Variants in RPTOR observed in about 807,000 individuals in gnomAD.
The protein encoded by RPTOR is regulatory associated protein of MTOR complex 1, also known as regulatory-associated protein of mTOR.
Under a neutral mutation model 169.9 loss-of-function variants are expected in RPTOR, and 21 were observed. The observed-to-expected ratio is 0.12, with a 90% CI of 0.09 to 0.18. The LOEUF is 0.18. RPTOR is among the 10% of genes least tolerant of loss of function. The pLI is 1.00. For synonymous variants in RPTOR, 732 were observed against 753.2 expected (o/e 0.97, Z 0.46); for missense variants, 1,133 against 1,855.9 (o/e 0.61, Z 7.16).
intron 4 of RPTOR, among the ~76,000 whole-genome samples, chr17:80,727,761 C>CT (rs35254950): frequency 0.19 from 28,914 of 149,760 alleles, 2,946 homozygotes; most frequent in East Asian, 0.24. Context: ...TAATTTTCAG[C>CT]TTTTTTTTTT....
Position 80,947,411 on chromosome 17 carries a change from G to C in RPTOR, c.3265+60G>C, listed in dbSNP as rs9912373. ...AGGGTCTGGAGGAGTGGCGGGGAGGGTGTGTGATCCTGAGATGTGTTTGTA... is the reference window on the plus strand; with the variant it reads ...AGGGTCTGGAGGAGTGGCGGGGAGGCTGTGTGATCCTGAGATGTGTTTGTA... On this transcript the variant is annotated intron_variant, in intron 27 of 33. Coordinates refer to ENST00000306801, the MANE Select transcript of RPTOR (RefSeq NM_020761.3). This position sits in a 1 kb window ranked among gnomAD's most constrained non-coding sequence, Gnocchi z 4.4. 1 of 1,471,394 alleles carries C rather than the reference G, an allele frequency of 6.8e-7. No homozygotes were observed. The highest frequency in any genetic ancestry group is 1.4e-5 in the African/African-American group (1 of 69,240). The allele number at this position is 1,471,394 out of a possible 1,614,324, so 91.1% of individuals were successfully genotyped here.
intron 6 of RPTOR, among the ~76,000 whole-genome samples, chr17:80,783,888 A>C (rs547272723): frequency 9.2e-5 from 14 of 152,362 alleles, no homozygotes; most frequent in African/African-American, 3.4e-4. Context: ...TAAATAGAGT[A>C]AACTTTTCTG....
intron 13 of RPTOR, among the ~76,000 whole-genome samples, chr17:80,863,683 G>T (rs1485562475): frequency 6.6e-6 from 1 of 152,218 alleles, no homozygotes; most frequent in African/African-American, 2.4e-5. Flanking sequence ...TGGAGGCTGA[G>T]GCAGACAGAT....
chr17:80,580,386 C>T (rs1037490080), intron 1 of RPTOR, among the ~76,000 whole-genome samples: 4 of 152,154 alleles, frequency 2.6e-5, no homozygotes, highest in African/African-American at 7.2e-5. Flanking sequence ...TGTGCCCGCT[C>T]GTGGGGTCTG....
intron 13 of RPTOR, among the ~76,000 whole-genome samples, chr17:80,879,768 G>A (rs1343395648): frequency 6.6e-6 from 1 of 152,180 alleles, no homozygotes; most frequent in Non-Finnish European, 1.5e-5. Flanking sequence ...GCGAGTCATG[G>A]CCACGTGACT....
rs1567887092 is a variant in RPTOR at position 80,743,721 on chromosome 17, ACGAGCACAGCCC to A, written c.655-10288_655-10277del. 2.0e-5 allele frequency among the ~76,000 whole-genome samples: 3 copies of A among 149,968 alleles called. 1 individual carries two copies. Among genetic ancestry groups the A allele is most frequent in the East Asian group, 2.0e-4 (1 of 5,006 alleles). The stretch of plus-strand genomic sequence containing the variant: ...CCTGGCTACTAGCACTGTCCTGGCT[ACGAGCACAGCCC>A]TGGCTACTAGCAGAGCCCTGGCTAC... On this transcript the variant is annotated intron_variant, in intron 5 of 33. Coordinates refer to ENST00000306801, the MANE Select transcript of RPTOR (RefSeq NM_020761.3).
At chr17:80,777,702 G>A (rs565663519) in intron 6 of RPTOR, among the ~76,000 whole-genome samples, 2 of 152,340 alleles carry the variant, frequency 1.3e-5, no homozygotes, top group Middle Eastern at 3.4e-3. Flanking sequence ...TTTGACGCCT[G>A]CGCCGACTCC....
In RPTOR at chr17:80,798,837, G is replaced by C. The variant is rs561765419; in HGVS notation, c.890+7328G>C. 4.6e-5 allele frequency among the ~76,000 whole-genome samples: 7 copies of C among 152,288 alleles called. No homozygotes were observed. In the South Asian group the frequency reaches 1.5e-3, roughly 32 times the overall value. ...TTAATAAAAACGTTTGTGCATTATT[G>C]GCAGAGCTGTCAGTGGGTGCTGGGT... On this transcript the variant is annotated intron_variant, in intron 7 of 33. Transcript: ENST00000306801.
At chr17:80,812,749 T>C (rs909741003) in intron 7 of RPTOR, among the ~76,000 whole-genome samples, 1 of 152,266 alleles carries the variant, frequency 6.6e-6, no homozygotes, top group Non-Finnish European at 1.5e-5. Flanking sequence ...TTTCTAGCTG[T>C]TCTCCAGGTG....
At position 80,814,691 on chromosome 17, in the gene RPTOR, G is replaced by A. The variant is rs551424245; in HGVS notation, c.891-7510G>A. On this transcript the variant is annotated intron_variant, in intron 7 of 33. Coordinates refer to ENST00000306801, the MANE Select transcript of RPTOR (RefSeq NM_020761.3). ...GTTTCATGCCATCAAATATGTACAC[G>A]GCATCTGTTCTGTATTCGACTTTCA... Among the ~76,000 whole-genome samples, 60 of 152,242 alleles carry A rather than the reference G, an allele frequency of 3.9e-4. 1 individual carries two copies. The South Asian group carries it at 0.01, about 26-fold the overall frequency.
rs185307523 is a variant in RPTOR at position 80,832,310 on chromosome 17, G to A, written c.1137-5612G>A. Among the ~76,000 whole-genome samples the A allele has an allele frequency of 2.6e-4, 40 of 152,326 alleles. No homozygotes were observed. In the East Asian group the frequency reaches 3.3e-3, roughly 12 times the overall value. The stretch of plus-strand genomic sequence containing the variant: ...CCTGTCTTGGAGGCTTCCATCCCCC[G>A]TGGAAGCTCGTGCTGGCCACTGGAG... On this transcript the variant is annotated intron_variant, in intron 9 of 33. Coordinates refer to ENST00000306801, the MANE Select transcript of RPTOR (RefSeq NM_020761.3).
intron 6 of RPTOR, among the ~76,000 whole-genome samples, chr17:80,775,790 C>G (rs764345548): frequency 1.3e-5 from 2 of 152,150 alleles, no homozygotes; most frequent in African/African-American, 2.4e-5. Context: ...AGAAAAATTA[C>G]CCAGAATCCA....
At position 80,651,078 on chromosome 17, in the gene RPTOR, C is replaced by T. The variant is rs761458627; in HGVS notation, c.348+7268C>T. 3.9e-5 allele frequency among the ~76,000 whole-genome samples: 6 copies of T among 152,148 alleles called. No homozygotes were observed. Among genetic ancestry groups the T allele is most frequent in the East Asian group, 1.9e-4 (1 of 5,198 alleles). ...ACTAAAACTGTAGCTCAGCTGTTGTCGTTTCACAGATCTCACGTGCCATGT... is the reference window on the plus strand; with the variant it reads ...ACTAAAACTGTAGCTCAGCTGTTGTTGTTTCACAGATCTCACGTGCCATGT... On this transcript the variant is annotated intron_variant, in intron 3 of 33. Coordinates refer to ENST00000306801, the MANE Select transcript of RPTOR (RefSeq NM_020761.3). This position sits in a 1 kb window ranked among gnomAD's most constrained non-coding sequence, Gnocchi z 4.1.
chr17:80,732,724 TG>T (rs1253828861), intron 5 of RPTOR, among the ~76,000 whole-genome samples: 1 of 152,244 alleles, frequency 6.6e-6, no homozygotes, highest in Non-Finnish European at 1.5e-5. Flanking sequence ...ATAAAAACAG[TG>T]GAAATTAAAA....
chr17:80,636,715 AC>A (rs1323028014), intron 2 of RPTOR, among the ~76,000 whole-genome samples: 2 of 150,558 alleles, frequency 1.3e-5, no homozygotes, highest in Admixed American at 6.6e-5. Context: ...GATCACCCAC[AC>A]CCCCGCAACA....
At chr17:80,634,447 CT>C (rs1172820522) in intron 2 of RPTOR, among the ~76,000 whole-genome samples, 2 of 108,906 alleles carry the variant, frequency 1.8e-5, no homozygotes, top group South Asian at 6.4e-4. Context: ...TGTGTGCATA[CT>C]TTGTGTGTGC....
At chr17:80,550,914 G>A (rs867822651) in intron 1 of RPTOR, among the ~76,000 whole-genome samples, 5 of 152,118 alleles carry the variant, frequency 3.3e-5, no homozygotes, top group Middle Eastern at 3.2e-3. Flanking sequence ...TTGAAATGGA[G>A]TCTCTCCTTG....
chr17:80,830,420 T>G (rs1341310652), intron 9 of RPTOR, among the ~76,000 whole-genome samples: 1 of 152,156 alleles, frequency 6.6e-6, no homozygotes, highest in African/African-American at 2.4e-5. Flanking sequence ...TGCAGAAAAT[T>G]TATCGGAATG....
intron 9 of RPTOR, among the ~76,000 whole-genome samples, chr17:80,832,344 C>T (rs1281039418): frequency 6.6e-6 from 1 of 152,206 alleles, no homozygotes; most frequent in Non-Finnish European, 1.5e-5. Flanking sequence ...AGCAACATTC[C>T]CGCAGGTGGG....
Sources: gnomAD v4.1 joint callset for allele counts (sites outside exome capture counted in the v4.1 genomes callset) on GRCh38, gnomAD v4.1.1 for gene constraint, Gnocchi (gnomAD v3.1) non-coding constraint, MANE v1.5 for transcripts, NCBI Gene and HGNC (gene_info 2026-07-23, HGNC 2026-07-21) for gene names.